Variants in USP40 observed in about 807,000 individuals in gnomAD.
USP40 encodes the protein ubiquitin carboxyl-terminal hydrolase 40.
In USP40, 143 loss-of-function variants were observed where a neutral mutation model predicts 166.2. The observed-to-expected ratio is 0.86, with a 90% CI of 0.75 to 0.99. USP40 has a LOEUF of 0.99. USP40 is among the 50% of genes least tolerant of loss of function. The probability of loss-of-function intolerance (pLI) is 0.00; values close to 1 mark genes in which losing one functional copy is unlikely to be tolerated. For missense variants in USP40, 1,444 were observed against 1,479.7 expected, an observed-to-expected ratio of 0.98 and a Z score of 0.40; for synonymous variants, 498 against 524.0, an observed-to-expected ratio of 0.95 and a Z score of 0.68.
rs2064525870 is a variant in USP40 at position 233,480,787 on chromosome 2, C to G, written c.3599+416G>C. On this transcript the variant is annotated intron_variant, in intron 31 of 31. Transcript: ENST00000678225. The surrounding 1 kb of genome is among the most constrained non-coding windows in gnomAD (Gnocchi z 4.5). ...CTGGAGTGGCCAGGCTCTCGGGAAC[C>G]TTGGAGAGAGCGGGAGAAGGACAGG... is the stretch of plus-strand genomic sequence containing the variant. Among the ~76,000 whole-genome samples the G allele has an allele frequency of 6.6e-6, 1 of 152,140 alleles. No individual in the cohort carries two copies. Among genetic ancestry groups the G allele is most frequent in the Non-Finnish European group, 1.5e-5 (1 of 68,032 alleles).
rs1489316016 is a variant in USP40 at position 233,476,209 on chromosome 2, G to C, written c.*1183C>G. Reference sequence around the variant, plus strand: ...CAGGGGAGCGCCTGACTCCAGCGGTGTCCTTTCTGCCCTCACACTTCAGTG... The same window carrying C: ...CAGGGGAGCGCCTGACTCCAGCGGTCTCCTTTCTGCCCTCACACTTCAGTG... On this transcript the variant is annotated 3_prime_UTR_variant, in exon 32 of 32. Transcript: ENST00000678225. 1 of 152,336 alleles carries C rather than the reference G, an allele frequency of 6.6e-6. No homozygotes were observed. Among genetic ancestry groups the C allele is most frequent in the Non-Finnish European group, 1.5e-5 (1 of 68,072 alleles). The allele number at this position is 152,336 out of a possible 1,614,324, so 9.4% of individuals were successfully genotyped here. A position where few individuals can be genotyped will look rare whatever the true frequency, so the allele number is the denominator to read the frequency against.
At chr2:233,494,946 A>ATT (rs1559224232) in intron 24 of USP40, among the ~76,000 whole-genome samples, 161 of 34,388 alleles carry the variant, frequency 4.7e-3, no homozygotes, top group Non-Finnish European at 5.9e-3. Context: ...ATATATATAT[A>ATT]TATATATATT....
At position 233,489,434 on chromosome 2, in the gene USP40, T is replaced by A. The variant is rs1182172404; in HGVS notation, c.3062A>T (p.His1021Leu). 6.2e-7 allele frequency: 1 copy of A among 1,607,268 alleles called. No homozygotes were observed. The highest frequency in any genetic ancestry group is 1.3e-5 in the African/African-American group (1 of 74,812). Residue 1021 changes from histidine (H) to leucine (L), a missense_variant, in exon 27 of 32, where the codon CAC becomes CTC. Coordinates refer to ENST00000678225, the MANE Select transcript of USP40 (RefSeq NM_001365479.2). Reference sequence around the variant, plus strand: ...CCTCTCCACCGTCCAGGCTCTGAGGTGGGCTGGGGACGGGACACCGAACTC... The same window carrying A: ...CCTCTCCACCGTCCAGGCTCTGAGGAGGGCTGGGGACGGGACACCGAACTC... Reference protein sequence around the residue: ...FLEFGVPSPAHLRAWTVERKR... With the variant: ...FLEFGVPSPALLRAWTVERKR...
Position 233,488,250 on chromosome 2 carries a change from G to C in USP40, c.3186C>G (p.Gly1062=). The change falls in exon 28 of 32, where the codon GGC becomes GGG. Residue 1062 remains glycine, a synonymous_variant. Coordinates refer to ENST00000678225, the MANE Select transcript of USP40 (RefSeq NM_001365479.2). ...IEICLEPLQK[G]ENLGPQDVLL... ...GGAGAATTTCTTACCCCAAGTTTTC[G>C]CCTTTCTGAAGGGGCTCTAAGCAGA... is the stretch of plus-strand genomic sequence containing the variant. 3 of 1,603,676 alleles carry C rather than the reference G, an allele frequency of 1.9e-6. No individual in the cohort carries two copies. Among genetic ancestry groups the C allele is most frequent in the Non-Finnish European group, 2.6e-6 (3 of 1,174,652 alleles).
rs1476015603 is a variant in USP40 at position 233,521,884 on chromosome 2, G to GT, written c.2202-771dup. The stretch of plus-strand genomic sequence containing the variant: ...CTGTATGATAATTATGACAATGACC[G>GT]TAATATATTAACTAAAACATTTAGC... On this transcript the variant is annotated intron_variant, in intron 16 of 31. Transcript: ENST00000678225. 2.6e-5 allele frequency among the ~76,000 whole-genome samples: 4 copies of GT among 152,170 alleles called. No individual in the cohort carries two copies. The East Asian group carries it at 7.7e-4, about 29-fold the overall frequency.
chr2:233,484,671 C>A (rs114937680), intron 30 of USP40, among the ~76,000 whole-genome samples: 1,533 of 152,004 alleles, frequency 0.01, 27 homozygotes, highest in African/African-American at 0.035. Context: ...TTTGTAGAGA[C>A]CAGGTTTCAC....
chr2:233,480,185 C>A lies in USP40; in HGVS notation c.3599+1018G>T, dbSNP rs2064478241. ...GACGCCCCCAGTGGCAGAGGGCATG[C>A]AGTCCCTGGCACACGGGCAGCCAAG... On this transcript the variant is annotated intron_variant, in intron 31 of 31. Transcript: ENST00000678225. The surrounding 1 kb of genome is among the most constrained non-coding windows in gnomAD (Gnocchi z 4.5). 6.6e-6 allele frequency among the ~76,000 whole-genome samples: 1 copy of A among 152,200 alleles called. No homozygotes were observed. The highest frequency in any genetic ancestry group is 1.5e-5 in the Non-Finnish European group (1 of 68,038).
Position 233,533,704 on chromosome 2 carries a change from G to A in USP40, c.1246C>T (p.Leu416Phe), listed in dbSNP as rs529777008. 6 of 1,613,424 alleles carry A rather than the reference G, an allele frequency of 3.7e-6. No individual in the cohort carries two copies. In the South Asian group the frequency reaches 6.6e-5, roughly 18 times the overall value. The change falls in exon 11 of 32, where the codon CTC becomes TTC. Residue 416 changes from leucine to phenylalanine, a missense_variant. By Grantham distance (22) the Leu-to-Phe change is conservative (BLOSUM62 0). Coordinates refer to ENST00000678225, the MANE Select transcript of USP40 (RefSeq NM_001365479.2). ...STVRLLKNSS[L>F]QAESDFQRND... ...CTTTGGAAATCAGACTCAGCCTGGA[G>A]AGAACTATTCTTCAAGAGACGAACT...
intron 6 of USP40, among the ~76,000 whole-genome samples, chr2:233,553,189 T>C (rs535544317): frequency 4.4e-4 from 67 of 152,360 alleles, no homozygotes; most frequent in African/African-American, 1.5e-3. Flanking sequence ...TTAATGTTAA[T>C]GAATTACTAG....
At chr2:233,522,458 C>A (rs1296927177) in intron 16 of USP40, among the ~76,000 whole-genome samples, 2 of 152,236 alleles carry the variant, frequency 1.3e-5, no homozygotes, top group African/African-American at 2.4e-5. Context: ...TGCTCTGCTT[C>A]TCTGCATCAA....
intron 18 of USP40, among the ~76,000 whole-genome samples, chr2:233,517,143 A>G (rs2067255516): frequency 1.3e-5 from 2 of 152,194 alleles, no homozygotes; most frequent in Non-Finnish European, 2.9e-5. Context: ...ATTTACATGC[A>G]TTAAGATACT....
At chr2:233,561,220 T>C (rs768610120) in intron 3 of USP40, 28 of 1,559,494 alleles carry the variant, frequency 1.8e-5, no homozygotes, top group Admixed American at 5.7e-5. Context: ...CAAGAGAAAA[T>C]AAAGTTCATA....
In USP40 at chr2:233,540,785, C is replaced by G; in HGVS notation, c.1063-16G>C. The G allele has an allele frequency of 6.3e-7, 1 of 1,585,066 alleles. No homozygotes were observed. Among genetic ancestry groups the G allele is most frequent in the Non-Finnish European group, 8.7e-7 (1 of 1,155,058 alleles). ...TATTCTCCTCCTTATGAGAGAAACA[C>G]AGTCACTCAAGAAAATCTGATGAGA... On this transcript the variant is annotated splice_polypyrimidine_tract_variant and intron_variant, in intron 9 of 31. Transcript: ENST00000678225.
rs768222693 is a variant in USP40 at position 233,477,494 on chromosome 2, G to GCT, written c.3608_3609insAG (p.Leu1204AlafsTer45). On this transcript the variant is annotated frameshift_variant, in exon 32 of 32. Transcript: ENST00000678225. LOFTEE classifies it low-confidence loss of function (END_TRUNC). The stretch of plus-strand genomic sequence containing the variant: ...GGATGTAGCTGCTCTGCTCATGGAG[G>GCT]GCTTCTTGGCTGCAGAGACACAGAC... 7 of 1,613,014 alleles carry GCT rather than the reference G, an allele frequency of 4.3e-6. No homozygotes were observed. The East Asian group carries it at 1.6e-4, about 36-fold the overall frequency.
intron 21 of USP40, among the ~76,000 whole-genome samples, chr2:233,500,909 G>A (rs1178141341): frequency 6.6e-6 from 1 of 152,176 alleles, no homozygotes; most frequent in African/African-American, 2.4e-5. Context: ...ATAAGATGAT[G>A]TTATCTGATT....
At position 233,489,445 on chromosome 2, in the gene USP40, C is replaced by T. The variant is rs149976191; in HGVS notation, c.3051G>A (p.Pro1017=). 3.6e-4 allele frequency: 581 copies of T among 1,607,562 alleles called. 3 individuals are homozygous for T. In the East Asian group the frequency reaches 8.1e-3, roughly 22 times the overall value. Residue 1017 remains proline (P), a synonymous_variant, in exon 27 of 32, where the codon CCG becomes CCA. Transcript: ENST00000678225. ...TCCAGGCTCTGAGGTGGGCTGGGGACGGGACACCGAACTCCAGGAAAGGAG... is the reference window on the plus strand; with the variant it reads ...TCCAGGCTCTGAGGTGGGCTGGGGATGGGACACCGAACTCCAGGAAAGGAG... ...TLPPFLEFGV[P]SPAHLRAWTV...
chr2:233,508,252 A>G (rs1161218289), intron 21 of USP40, among the ~76,000 whole-genome samples: 1 of 152,196 alleles, frequency 6.6e-6, no homozygotes, highest in Non-Finnish European at 1.5e-5. Context: ...ACATTTCTCT[A>G]CTTTCTCTTA....
At chr2:233,558,277 AC>A (rs1226050170) in intron 4 of USP40, among the ~76,000 whole-genome samples, 2 of 152,174 alleles carry the variant, frequency 1.3e-5, no homozygotes, top group East Asian at 3.9e-4. Context: ...TAGACAAAAA[AC>A]AAAAAAAATT....
At chr2:233,554,305 A>G in intron 6 of USP40, 75 bp downstream of exon 6, 1 of 1,417,378 alleles carries the variant, frequency 7.1e-7, no homozygotes, top group Non-Finnish European at 9.3e-7. Context: ...TATATCCTCG[A>G]GACTTTTTCA....
Sources: allele counts gnomAD v4.1 joint callset (sites outside exome capture counted in the v4.1 genomes callset), GRCh38; gene constraint gnomAD v4.1.1; non-coding constraint Gnocchi (gnomAD v3.1); transcripts MANE v1.5; gene names NCBI Gene and HGNC (gene_info 2026-07-23, HGNC 2026-07-21).